BACH1: variants seen among roughly 807,000 people sequenced by gnomAD.
The protein encoded by BACH1 is BTB domain and CNC homolog 1, also known as transcription regulator protein BACH1.
A neutral mutation model predicts 52.9 loss-of-function variants in BACH1; 35 were observed. The ratio of observed to expected loss-of-function variants is 0.66; its 90% CI spans 0.51 to 0.88. BACH1 has a LOEUF of 0.88. BACH1 is among the 40% of genes least tolerant of loss of function. The pLI is 0.00. For missense variants in BACH1, 808 were observed against 872.6 expected, an observed-to-expected ratio of 0.93 and a Z score of 0.93; for synonymous variants, 321 against 319.6, an observed-to-expected ratio of 1.00 and a Z score of -0.05.
chr21:29,346,465 C>T (rs2089168880), downstream of BACH1, among the ~76,000 whole-genome samples: 2 of 152,200 alleles, frequency 1.3e-5, no homozygotes, highest in Non-Finnish European at 2.9e-5. Context: ...CAATTTCCAA[C>T]CAGGCCCTTC....
At chr21:29,352,842 G>T (rs2089211206) in intron 2 of BACH1, among the ~76,000 whole-genome samples, 1 of 151,580 alleles carries the variant, frequency 6.6e-6, no homozygotes, top group Non-Finnish European at 1.5e-5. Context: ...CTCCCAAGTA[G>T]CTGGGACTAC....
chr21:29,331,777 A>C (rs1035507827), intron 4 of BACH1, among the ~76,000 whole-genome samples: 1 of 152,120 alleles, frequency 6.6e-6, no homozygotes, highest in Non-Finnish European at 1.5e-5. Flanking sequence ...TATTTGGGGG[A>C]ATTAATTGAG....
At chr21:29,310,097 C>T (rs1011970586) in intron 1 of BACH1, among the ~76,000 whole-genome samples, 12 of 152,102 alleles carry the variant, frequency 7.9e-5, no homozygotes, top group African/African-American at 2.9e-4. Context: ...TGTGAAGAAT[C>T]TGCTAAGTTT....
chr21:29,322,724 G>T (rs577645215), intron 2 of BACH1, among the ~76,000 whole-genome samples: 3 of 151,926 alleles, frequency 2.0e-5, no homozygotes, highest in Non-Finnish European at 4.4e-5. Context: ...TTAGCTTGTT[G>T]CTGTCCATGC....
Position 29,326,920 on chromosome 21 carries a change from G to A in BACH1, c.1096G>A (p.Asp366Asn), listed in dbSNP as rs150792794. 6 of 1,614,202 alleles carry A rather than the reference G, an allele frequency of 3.7e-6. No individual in the cohort carries two copies. Among genetic ancestry groups the A allele is most frequent in the Non-Finnish European group, 5.1e-6 (6 of 1,180,048 alleles). The change falls in exon 3 of 5, where the codon GAT (aspartate) becomes AAT (asparagine). Residue 366 changes from aspartate to asparagine, a missense_variant. Physicochemically the swap from Asp to Asn is conservative, Grantham distance 23. Transcript: ENST00000286800. ...AGAAAAAACATTTGGTGAAAGTCAG[G>A]ATTTACCTTTGAAATCCGACTTGGG... is the stretch of plus-strand genomic sequence containing the variant. ...VQEKTFGESQ[D>N]LPLKSDLGTR...
chr21:29,357,006 A>T (rs1296350332), intron 2 of BACH1, among the ~76,000 whole-genome samples: 2 of 152,068 alleles, frequency 1.3e-5, no homozygotes, highest in African/African-American at 4.8e-5. Context: ...GGGTTTTTAC[A>T]CTGCATGCAA....
intron 2 of BACH1, chr21:29,351,537 A>C (rs2089201918): frequency 2.1e-6 from 1 of 486,152 alleles, no homozygotes; most frequent in Non-Finnish European, 4.3e-6. Flanking sequence ...TCGTTTTTTA[A>C]GCACTGTGTT....
At chr21:29,348,529 G>T (rs951894002), downstream of BACH1, among the ~76,000 whole-genome samples, 3 of 152,040 alleles carry the variant, frequency 2.0e-5, no homozygotes, top group Non-Finnish European at 4.4e-5. Flanking sequence ...CTCACAACTC[G>T]TGATCCTAAT....
At position 29,321,367 on chromosome 21, in the gene BACH1, G is replaced by T. The variant is rs777643644; in HGVS notation, c.87G>T (p.Lys29Asn). The T allele has an allele frequency of 7.4e-6, 12 of 1,614,204 alleles. No homozygotes were observed. Among genetic ancestry groups the T allele is most frequent in the Non-Finnish European group, 1.0e-5 (12 of 1,180,038 alleles). ...NVLLSLNDQR[K>N]KDVLCDVTIF... ...TACTCAGCCTTAATGACCAGCGGAA[G>T]AAAGATGTGCTGTGCGATGTCACCA... The change falls in exon 2 of 5, where the codon AAG becomes AAT. Residue 29 changes from lysine (K) to asparagine (N), a missense_variant. By Grantham distance (94) the Lys-to-Asn change is moderately conservative. Coordinates refer to ENST00000286800, the MANE Select transcript of BACH1 (RefSeq NM_001186.4).
At chr21:29,360,497 T>C (rs1184607107) in intron 2 of BACH1, among the ~76,000 whole-genome samples, 1 of 152,124 alleles carries the variant, frequency 6.6e-6, no homozygotes, top group Non-Finnish European at 1.5e-5. Context: ...CCTGGGAATG[T>C]CATGTTTGCC....
intron 2 of BACH1, among the ~76,000 whole-genome samples, chr21:29,351,300 C>T (rs977225313): frequency 2.0e-5 from 3 of 152,144 alleles, no homozygotes; most frequent in Non-Finnish European, 4.4e-5. Flanking sequence ...ATACCCAGCA[C>T]GCTATATGAA....
chr21:29,361,733 A>G (rs1397396394), intron 2 of BACH1: 11 of 152,246 alleles, frequency 7.2e-5, no homozygotes, highest in Admixed American at 6.5e-4. Context: ...TTTATAACCC[A>G]GTGTATTTCA....
chr21:29,314,643 C>G (rs1451449002), intron 1 of BACH1, among the ~76,000 whole-genome samples: 1 of 152,114 alleles, frequency 6.6e-6, no homozygotes, highest in Non-Finnish European at 1.5e-5. Context: ...TATAACAGTT[C>G]TAATGTAAAT....
intron 4 of BACH1, 79 bp from the exon 5 acceptor site, chr21:29,342,320 G>C (rs1246375499): frequency 7.4e-6 from 10 of 1,357,000 alleles, no homozygotes; most frequent in Non-Finnish European, 1.0e-5. Context: ...AGAAGCCCCT[G>C]TATATTATTT....
chr21:29,326,258 GC>G lies in BACH1; in HGVS notation c.435del (p.Ser147HisfsTer19). On this transcript the variant is annotated frameshift_variant, in exon 3 of 5. Coordinates refer to ENST00000286800, the MANE Select transcript of BACH1 (RefSeq NM_001186.4). LOFTEE classifies it high-confidence loss of function. ...ADQQECPRKK[C>X]FSSHCQKTDL... ...CAGCAAGAATGCCCAAGAAAAAAAT[GC>G]TTTTCATCACACTGTCAGAAAACAG... 2 of 1,614,070 alleles carry G rather than the reference GC, an allele frequency of 1.2e-6. No individual in the cohort carries two copies. Among genetic ancestry groups the G allele is most frequent in the Non-Finnish European group, 1.7e-6 (2 of 1,179,994 alleles).
chr21:29,352,973 A>G (rs183006860), intron 2 of BACH1, among the ~76,000 whole-genome samples: 5 of 152,242 alleles, frequency 3.3e-5, no homozygotes, highest in Non-Finnish European at 7.4e-5. Flanking sequence ...TCAGCCTCCC[A>G]AAGTGCTGAG....
rs909075793 is a variant in BACH1, at chr21:29,344,798, T to C, written c.*1965T>C. 2 of 152,602 alleles carry C rather than the reference T, an allele frequency of 1.3e-5. No individual in the cohort carries two copies. Among genetic ancestry groups the C allele is most frequent in the Non-Finnish European group, 2.9e-5 (2 of 68,022 alleles). The allele number at this position is 152,602 out of a possible 1,614,324, so 9.5% of individuals were successfully genotyped here. The stretch of plus-strand genomic sequence containing the variant: ...TACAAAATGTAAAATCTTAAGCCAA[T>C]GGAACCCTTGATTTCCTACCTCAGT... On this transcript the variant is annotated 3_prime_UTR_variant, in exon 5 of 5. Transcript: ENST00000286800.
chr21:29,357,895 A>T (rs778076960), intron 2 of BACH1, among the ~76,000 whole-genome samples: 2 of 152,164 alleles, frequency 1.3e-5, no homozygotes, highest in Non-Finnish European at 2.9e-5. Context: ...CCCCATATTC[A>T]TGTAGATAAT....
intron 2 of BACH1, among the ~76,000 whole-genome samples, chr21:29,351,315 T>C (rs2089200785): frequency 6.6e-6 from 1 of 152,212 alleles, no homozygotes; most frequent in Non-Finnish European, 1.5e-5. Context: ...TATGAAAATA[T>C]CCACTATAAC....
Sources: gnomAD v4.1 joint callset for allele counts (sites outside exome capture counted in the v4.1 genomes callset) on GRCh38, gnomAD v4.1.1 for gene constraint, MANE v1.5 for transcripts, NCBI Gene and HGNC (gene_info 2026-07-23, HGNC 2026-07-21) for gene names.